The following SHANK2 variants were observed in gnomAD, a reference collection of about 807,000 sequenced individuals.
SHANK2 encodes the protein SH3 and multiple ankyrin repeat domains protein 2.
SHANK2 carries 43 observed loss-of-function variants against 133.7 expected under a neutral mutation model. That is an observed-to-expected ratio of 0.32 (90% CI 0.25 to 0.41). The LOEUF is 0.41. Among genes scored for constraint, SHANK2 ranks in the 10% least tolerant of loss-of-function variants. SHANK2 has a pLI of 1.00. For synonymous variants in SHANK2, 1,017 were observed against 952.8 expected, an observed-to-expected ratio of 1.07 and a Z score of -1.24; for missense variants, 1,994 against 2,235.8, an observed-to-expected ratio of 0.89 and a Z score of 2.18.
At chr11:70,785,362 T>C (rs1233574839) in intron 14 of SHANK2, among the ~76,000 whole-genome samples, 1 of 152,172 alleles carries the variant, frequency 6.6e-6, no homozygotes, top group Non-Finnish European at 1.5e-5. Flanking sequence ...ATCTCTGCTT[T>C]AAACCTGCAT....
intron 10 of SHANK2, among the ~76,000 whole-genome samples, chr11:70,909,587 G>T (rs1402426485): frequency 1.3e-5 from 2 of 152,172 alleles, no homozygotes; most frequent in Non-Finnish European, 2.9e-5. Context: ...CAGGTTTCGA[G>T]AGCTCAAATG....
At chr11:70,694,959 G>A (rs1945361825) in intron 15 of SHANK2, among the ~76,000 whole-genome samples, 1 of 152,140 alleles carries the variant, frequency 6.6e-6, no homozygotes, top group Non-Finnish European at 1.5e-5. Flanking sequence ...GTCTAGCTGA[G>A]GCCAGTTCTG....
In SHANK2 at chr11:70,799,022, C is replaced by T. The variant is rs553945025; in HGVS notation, c.1664-466G>A. Among the ~76,000 whole-genome samples the T allele has an allele frequency of 5.9e-5, 9 of 152,284 alleles. No individual in the cohort carries two copies. The South Asian group carries it at 1.0e-3, about 18-fold the overall frequency. On this transcript the variant is annotated intron_variant, in intron 13 of 25. Transcript: ENST00000601538. ...CTTCCCCTCCTAAGCTGGGCAAGAA[C>T]CGGAGGCAGATGGCCTGGAGGAAAG...
chr11:71,185,499 T>C (rs1030663663), intron 2 of SHANK2, among the ~76,000 whole-genome samples: 3 of 152,248 alleles, frequency 2.0e-5, no homozygotes, highest in African/African-American at 7.2e-5. Context: ...GGTTCCACCC[T>C]GACCATTCTT....
chr11:70,922,325 A>AGAG (rs5792546), intron 10 of SHANK2, among the ~76,000 whole-genome samples: 148,477 of 152,236 alleles, frequency 0.98, 72,521 homozygotes, highest in East Asian at 1. Flanking sequence ...CTAGAAGGAG[A>AGAG]GATGAAAAAT....
intron 11 of SHANK2, chr11:70,872,417 A>C (rs994624204): frequency 1.3e-5 from 2 of 153,084 alleles, no homozygotes; most frequent in Non-Finnish European, 2.9e-5. Context: ...CCCCACACGC[A>C]TGAAGAGGAA....
chr11:70,537,233 C>A (rs1003438082), intron 17 of SHANK2, among the ~76,000 whole-genome samples: 2 of 152,230 alleles, frequency 1.3e-5, no homozygotes, highest in Non-Finnish European at 2.9e-5. Context: ...AACCTCCCCC[C>A]AGGATGCTCA....
At chr11:70,811,130 T>C (rs1370625508) in intron 12 of SHANK2, among the ~76,000 whole-genome samples, 1 of 152,066 alleles carries the variant, frequency 6.6e-6, no homozygotes, top group Non-Finnish European at 1.5e-5. Context: ...AAGGTGAGGC[T>C]TGTGGGCTTC....
At chr11:70,667,049 A>G (rs890973126) in intron 15 of SHANK2, among the ~76,000 whole-genome samples, 7 of 152,070 alleles carry the variant, frequency 4.6e-5, no homozygotes, top group Non-Finnish European at 8.8e-5. Context: ...TGCACTGTAC[A>G]ACTATGGAGG....
At chr11:70,670,884 T>C (rs1368676279) in intron 15 of SHANK2, among the ~76,000 whole-genome samples, 1 of 152,144 alleles carries the variant, frequency 6.6e-6, no homozygotes, top group African/African-American at 2.4e-5. Flanking sequence ...GGGGGCTGCG[T>C]CGCTTCACGT....
chr11:70,553,331 G>A (rs570990523), intron 17 of SHANK2, among the ~76,000 whole-genome samples: 1 of 152,250 alleles, frequency 6.6e-6, no homozygotes, highest in East Asian at 1.9e-4. Context: ...GACCTCAAAT[G>A]CTTCGCCCAC....
chr11:70,876,710 G>C (rs1429954301), intron 11 of SHANK2, among the ~76,000 whole-genome samples: 2 of 152,178 alleles, frequency 1.3e-5, no homozygotes, highest in Non-Finnish European at 2.9e-5. Context: ...GGCTGCAGCA[G>C]GTGACAACAC....
rs1471006529 is a variant in SHANK2, at chr11:70,502,269, G to A, written c.2215C>T (p.Arg739Trp). The A allele has an allele frequency of 5.8e-6, 9 of 1,557,188 alleles. No individual in the cohort carries two copies. Among genetic ancestry groups the A allele is most frequent in the Non-Finnish European group, 7.8e-6 (9 of 1,149,316 alleles). The change falls in exon 19 of 26, where the codon CGG (arginine) becomes TGG (tryptophan). Residue 739 changes from arginine to tryptophan, a missense_variant. Transcript: ENST00000601538. ...ARKKAPPPPKRAPTTALTLRS... is the reference protein window; with the variant it reads ...ARKKAPPPPKWAPTTALTLRS... ...AGGGTGAGGGCTGTGGTCGGTGCCC[G>A]CTTTGGAGGCGGGGGAGCTGGAGGG...
intron 3 of SHANK2, among the ~76,000 whole-genome samples, chr11:71,132,579 G>A (rs139404297): frequency 8.5e-5 from 13 of 152,178 alleles, no homozygotes; most frequent in African/African-American, 3.1e-4. Context: ...TGCAGGCTAC[G>A]GAGACCCTGC....
chr11:70,608,231 C>T (rs1183911879), intron 17 of SHANK2, among the ~76,000 whole-genome samples: 1 of 152,196 alleles, frequency 6.6e-6, no homozygotes, highest in Admixed American at 6.5e-5. Flanking sequence ...CCTTGGCCTC[C>T]CAAAGTGCTT....
At chr11:71,123,295 G>A (rs73521181) in intron 3 of SHANK2, among the ~76,000 whole-genome samples, 7,477 of 152,270 alleles carry the variant, frequency 0.049, 561 homozygotes, top group African/African-American at 0.17. Context: ...AAACCAGCCT[G>A]AGGTCACCAT....
At chr11:70,606,182 G>A (rs1019848762) in intron 17 of SHANK2, among the ~76,000 whole-genome samples, 1 of 152,096 alleles carries the variant, frequency 6.6e-6, no homozygotes, top group African/African-American at 2.4e-5. Flanking sequence ...CCCATGTCTG[G>A]AAATCAGCTC....
At chr11:70,756,355 C>T (rs1192803683) in intron 14 of SHANK2, among the ~76,000 whole-genome samples, 2 of 152,190 alleles carry the variant, frequency 1.3e-5, no homozygotes, top group African/African-American at 4.8e-5. Context: ...ATAAGGGTTC[C>T]AGGAGCACTC....
At chr11:70,835,560 G>T (rs1167870340) in intron 11 of SHANK2, among the ~76,000 whole-genome samples, 1 of 152,178 alleles carries the variant, frequency 6.6e-6, no homozygotes, top group Non-Finnish European at 1.5e-5. Context: ...GGACCCTGGG[G>T]CCAGGGTGAT....
Sources: allele counts gnomAD v4.1 joint callset (sites outside exome capture counted in the v4.1 genomes callset), GRCh38; gene constraint gnomAD v4.1.1; transcripts MANE v1.5; gene names NCBI Gene and HGNC (gene_info 2026-07-23, HGNC 2026-07-21).